BAZ1A: variants seen among roughly 807,000 people sequenced by gnomAD.
BAZ1A encodes the protein bromodomain adjacent to zinc finger domain 1A, also known as bromodomain adjacent to zinc finger domain protein 1A.
Under a neutral mutation model 185.2 loss-of-function variants are expected in BAZ1A, and 50 were observed. That is an observed-to-expected ratio of 0.27 (90% CI 0.22 to 0.34). BAZ1A has a LOEUF of 0.34. Ranked by LOEUF, BAZ1A falls within the 10% of genes least tolerant of loss-of-function variation. The probability of loss-of-function intolerance (pLI) is 1.00; values close to 1 mark genes in which losing one functional copy is unlikely to be tolerated. For missense variants in BAZ1A, 1,356 were observed against 1,839.9 expected, an observed-to-expected ratio of 0.74 and a Z score of 4.81; for synonymous variants, 571 against 615.6, an observed-to-expected ratio of 0.93 and a Z score of 1.07.
intron 15 of BAZ1A, 135 bp from the exon 16 acceptor site, chr14:34,783,367 GCTT>G: frequency 2.2e-6 from 1 of 456,788 alleles, no homozygotes; most frequent in Non-Finnish European, 3.7e-6. Context: ...TCATTCATAA[GCTT>G]TTTTTTTTTT....
intron 2 of BAZ1A, among the ~76,000 whole-genome samples, chr14:34,865,388 T>C (rs977887086): frequency 6.6e-6 from 1 of 152,232 alleles, no homozygotes; most frequent in African/African-American, 2.4e-5. Flanking sequence ...ATATAATTCA[T>C]TATTCTTCAA....
chr14:34,811,122 T>A, intron 4 of BAZ1A, 86 bp from the exon 5 acceptor site: 2 of 946,496 alleles, frequency 2.1e-6, no homozygotes, highest in Non-Finnish European at 3.1e-6. Flanking sequence ...AAGAATATAC[T>A]ATAATAAAAT....
intron 6 of BAZ1A, among the ~76,000 whole-genome samples, chr14:34,806,218 T>G: frequency 6.6e-6 from 1 of 152,164 alleles, no homozygotes; most frequent in South Asian, 2.1e-4. Flanking sequence ...AACATTTATA[T>G]ACAGTGAAAT....
intron 2 of BAZ1A, among the ~76,000 whole-genome samples, chr14:34,867,231 C>T (rs1305896855): frequency 6.6e-6 from 1 of 151,902 alleles, no homozygotes; most frequent in Admixed American, 6.6e-5. Flanking sequence ...TGCACTCCAG[C>T]CAGGGCAACA....
chr14:34,795,580 G>T, intron 10 of BAZ1A, 90 bp downstream of exon 10: 2 of 812,180 alleles, frequency 2.5e-6, no homozygotes, highest in Non-Finnish European at 3.7e-6. Context: ...AAGAGAAGAG[G>T]CTGCTATTAA....
intron 4 of BAZ1A, among the ~76,000 whole-genome samples, chr14:34,812,560 C>T (rs2041945353): frequency 6.6e-6 from 1 of 152,100 alleles, no homozygotes; most frequent in African/African-American, 2.4e-5. Flanking sequence ...ACAGGAATAC[C>T]AGTTAGAAAG....
At chr14:34,842,196 CCTA>C (rs771691519) in intron 3 of BAZ1A, among the ~76,000 whole-genome samples, 1 of 151,984 alleles carries the variant, frequency 6.6e-6, no homozygotes, top group Non-Finnish European at 1.5e-5. Context: ...CAGAATACTG[CCTA>C]CTACCTTCAA....
chr14:34,841,308 G>A (rs553140825), intron 3 of BAZ1A, among the ~76,000 whole-genome samples: 22 of 152,118 alleles, frequency 1.4e-4, no homozygotes, highest in Admixed American at 2.6e-4. Context: ...TATTAATGTA[G>A]GGCTAAATTA....
At position 34,832,215 on chromosome 14, in the gene BAZ1A, C is replaced by CACACACACACACACATATATATAT; in HGVS notation, c.393-6060_393-6059insATATATATATGTGTGTGTGTGTGT. 7.4e-3 allele frequency among the ~76,000 whole-genome samples: 666 copies of CACACACACACACACATATATATAT among 89,606 alleles called. 2 individuals carry two copies. The highest frequency in any genetic ancestry group is 0.01 in the Non-Finnish European group (433 of 42,672). The allele number at this position is 89,606 out of a possible 152,430, so 58.8% of individuals were successfully genotyped here. A position where few individuals can be genotyped will look rare whatever the true frequency, so the allele number is the denominator to read the frequency against. ...ATACACACACACACACACACACACA[C>CACACACACACACACATATATATAT]ATATATATATATATATGTATGTATG... On this transcript the variant is annotated intron_variant, in intron 3 of 26. Transcript: ENST00000360310.
chr14:34,835,437 G>A (rs928680030), intron 3 of BAZ1A, among the ~76,000 whole-genome samples: 6 of 151,826 alleles, frequency 4.0e-5, no homozygotes, highest in Non-Finnish European at 7.3e-5. Context: ...TGACTCTTAA[G>A]CCCATATACT....
chr14:34,770,826 A>G (rs1161508902), intron 21 of BAZ1A, among the ~76,000 whole-genome samples: 1 of 152,006 alleles, frequency 6.6e-6, no homozygotes, highest in African/African-American at 2.4e-5. Flanking sequence ...GGTATTTCTG[A>G]TTTAGCACTT....
intron 2 of BAZ1A, among the ~76,000 whole-genome samples, chr14:34,864,501 A>T (rs1379502324): frequency 6.7e-6 from 1 of 149,116 alleles, no homozygotes; most frequent in Non-Finnish European, 1.5e-5. Context: ...ATTTTTTTTA[A>T]ATGGAGTCCC....
chr14:34,817,396 T>C (rs1005389293), intron 4 of BAZ1A, among the ~76,000 whole-genome samples: 5 of 152,216 alleles, frequency 3.3e-5, no homozygotes, highest in Non-Finnish European at 7.3e-5. Context: ...GAGACCAGCC[T>C]GGCCAACATG....
At chr14:34,862,425 T>C (rs965461281) in intron 2 of BAZ1A, 103 bp from the exon 3 acceptor site, 96 of 1,341,972 alleles carry the variant, frequency 7.2e-5, no homozygotes, top group Non-Finnish European at 9.1e-5. Context: ...GTGCCTTTAA[T>C]GCAAAATTTT....
chr14:34,776,142 G>T lies in BAZ1A; in HGVS notation c.2610C>A (p.Asn870Lys), dbSNP rs756892385. ...GEPLMSESTS[N>K]IDQGPRDHSV... ...AATGGTCACGTGGACCTTGGTCAAT[G>T]TTGGAGGTAGATTCAGACATCAAAG... The change falls in exon 18 of 27, where the codon AAC (asparagine) becomes AAA (lysine). Residue 870 changes from asparagine (N) to lysine (K), a missense_variant. Around this residue, in one of 7 missense-constraint regions of BAZ1A, gnomAD observed 434 missense variants for 561.7 expected, o/e 0.77. Transcript: ENST00000360310. 1.2e-5 allele frequency: 19 copies of T among 1,614,082 alleles called. No individual in the cohort carries two copies. The Admixed American group carries it at 2.8e-4, about 24-fold the overall frequency.
At chr14:34,772,083 T>C (rs932212151) in intron 20 of BAZ1A, among the ~76,000 whole-genome samples, 1 of 151,984 alleles carries the variant, frequency 6.6e-6, no homozygotes, top group Admixed American at 6.6e-5. Context: ...GTCTCCTGAG[T>C]AGCTGGGACT....
At chr14:34,843,050 A>C (rs947715450) in intron 3 of BAZ1A, among the ~76,000 whole-genome samples, 7 of 151,922 alleles carry the variant, frequency 4.6e-5, no homozygotes, top group African/African-American at 1.7e-4. Flanking sequence ...TCTTGTATTC[A>C]TCTCCCTAAA....
chr14:34,807,998 G>C (rs571823213), intron 5 of BAZ1A, among the ~76,000 whole-genome samples: 1 of 151,694 alleles, frequency 6.6e-6, no homozygotes, highest in Non-Finnish European at 1.5e-5. Flanking sequence ...CCAGCTACTC[G>C]GGAGGCTGAG....
At chr14:34,803,081 T>C in intron 6 of BAZ1A, 93 bp from the exon 7 acceptor site, 1 of 1,320,870 alleles carries the variant, frequency 7.6e-7, no homozygotes, top group Non-Finnish European at 1.1e-6. Flanking sequence ...CTATTAATGC[T>C]GTTAAAAGAT....
Sources: gnomAD v4.1 joint callset for allele counts (sites outside exome capture counted in the v4.1 genomes callset) on GRCh38, gnomAD v4.1.1 for gene constraint, gnomAD v4.1.1 regional missense constraint, MANE v1.5 for transcripts, NCBI Gene and HGNC (gene_info 2026-07-23, HGNC 2026-07-21) for gene names.